The following EPC2 variants were observed in gnomAD, a reference collection of about 807,000 sequenced individuals.
EPC2 encodes enhancer of polycomb homolog 2.
In EPC2, 14 loss-of-function variants were observed where a neutral mutation model predicts 92.1. The ratio of observed to expected loss-of-function variants is 0.15; its 90% CI spans 0.10 to 0.24. The LOEUF is 0.24. Ranked by LOEUF, EPC2 falls within the 10% of genes least tolerant of loss-of-function variation. The pLI is 1.00. For missense variants in EPC2, 755 were observed against 971.5 expected (o/e 0.78, Z 2.96); for synonymous variants, 340 against 334.7 (o/e 1.02, Z -0.17).
At chr2:148,651,353 T>C (rs1413517359) in intron 1 of EPC2, among the ~76,000 whole-genome samples, 1 of 152,192 alleles carries the variant, frequency 6.6e-6, no homozygotes, top group East Asian at 1.9e-4. Context: ...TCCCCTGTTT[T>C]CGTTCGGACA....
chr2:148,698,439 C>G (rs540942976), intron 2 of EPC2, among the ~76,000 whole-genome samples: 173 of 151,966 alleles, frequency 1.1e-3, no homozygotes, highest in Non-Finnish European at 2.2e-3. Flanking sequence ...AGTTCAAGAC[C>G]AGCCTGGCCA....
In EPC2 at chr2:148,786,471, T is replaced by A; in HGVS notation, c.*94T>A. ...GCAACACTCTGTGGATCACAGAGTG[T>A]AACAATGGACCTAAATGGACTATAG... On this transcript the variant is annotated 3_prime_UTR_variant, in exon 14 of 14. Coordinates refer to ENST00000258484, the MANE Select transcript of EPC2 (RefSeq NM_015630.4). 1 of 975,726 alleles carries A rather than the reference T, an allele frequency of 1.0e-6. No homozygotes were observed. The highest frequency in any genetic ancestry group is 1.6e-6 in the Non-Finnish European group (1 of 628,216). The allele number at this position is 975,726 out of a possible 1,614,324, so 60.4% of individuals were successfully genotyped here. A position where few individuals can be genotyped will look rare whatever the true frequency, so the allele number is the denominator to read the frequency against.
At chr2:148,695,576 C>G (rs1681730198) in intron 2 of EPC2, among the ~76,000 whole-genome samples, 1 of 152,174 alleles carries the variant, frequency 6.6e-6, no homozygotes, top group Non-Finnish European at 1.5e-5. Flanking sequence ...GTCTCATTAT[C>G]CTTGGAAATG....
At chr2:148,719,598 CCCTT>C (rs1306155298) in intron 2 of EPC2, among the ~76,000 whole-genome samples, 2 of 152,202 alleles carry the variant, frequency 1.3e-5, no homozygotes, top group African/African-American at 4.8e-5. Flanking sequence ...GGCAGCCTGC[CCCTT>C]CCTCTGGAAG....
intron 11 of EPC2, among the ~76,000 whole-genome samples, chr2:148,782,108 A>G (rs1683761335): frequency 1.3e-5 from 2 of 152,096 alleles, no homozygotes; most frequent in South Asian, 2.1e-4. Context: ...GAAAGATAAA[A>G]CTTTCCTAAC....
At chr2:148,750,858 A>G (rs567882623) in intron 3 of EPC2, among the ~76,000 whole-genome samples, 2 of 152,248 alleles carry the variant, frequency 1.3e-5, no homozygotes, top group African/African-American at 4.8e-5. Flanking sequence ...CATAGATTTG[A>G]AAGAAGTAAA....
At chr2:148,669,268 G>C (rs1175433977) in intron 1 of EPC2, among the ~76,000 whole-genome samples, 1 of 152,042 alleles carries the variant, frequency 6.6e-6, no homozygotes, top group African/African-American at 2.4e-5. Context: ...CCACCTTTTG[G>C]ATTGAATATT....
chr2:148,644,972 C>A lies in EPC2; in HGVS notation c.-46C>A. ...CGGGAGTCCTCCCCCCCTCCCCGCC[C>A]GCCCCGCCGCCGCCGCCCGGGCTGT... On this transcript the variant is annotated 5_prime_UTR_variant, in exon 1 of 14. Coordinates refer to ENST00000258484, the MANE Select transcript of EPC2 (RefSeq NM_015630.4). 1 of 1,525,116 alleles carries A rather than the reference C, an allele frequency of 6.6e-7. No individual in the cohort carries two copies. The highest frequency in any genetic ancestry group is 8.8e-7 in the Non-Finnish European group (1 of 1,129,994). The allele number at this position is 1,525,116 out of a possible 1,614,324, so 94.5% of individuals were successfully genotyped here. A position where few individuals can be genotyped will look rare whatever the true frequency, so the allele number is the denominator to read the frequency against.
intron 4 of EPC2, among the ~76,000 whole-genome samples, chr2:148,760,106 G>A (rs941988972): frequency 5.9e-5 from 9 of 152,116 alleles, no homozygotes; most frequent in African/African-American, 2.2e-4. Flanking sequence ...AGCTGGGTGT[G>A]ATGGTGGATT....
intron 2 of EPC2, among the ~76,000 whole-genome samples, chr2:148,742,403 ATATT>A (rs1190487420): frequency 6.6e-6 from 1 of 152,168 alleles, no homozygotes; most frequent in Non-Finnish European, 1.5e-5. Flanking sequence ...TTATTATTGT[ATATT>A]TATCAATCTA....
At chr2:148,773,236 A>G (rs943584366) in intron 10 of EPC2, among the ~76,000 whole-genome samples, 2 of 151,984 alleles carry the variant, frequency 1.3e-5, no homozygotes, top group East Asian at 1.9e-4. Flanking sequence ...TGACACTACC[A>G]TACAACATAA....
At chr2:148,774,713 A>T (rs1270051756) in intron 10 of EPC2, among the ~76,000 whole-genome samples, 1 of 151,594 alleles carries the variant, frequency 6.6e-6, no homozygotes, top group Non-Finnish European at 1.5e-5. Context: ...TTAGAACTAA[A>T]ACTAAAGACT....
chr2:148,760,649 A>G (rs1419850653), intron 4 of EPC2, among the ~76,000 whole-genome samples: 4 of 152,246 alleles, frequency 2.6e-5, no homozygotes, highest in African/African-American at 9.6e-5. Context: ...GAAGAAAAAG[A>G]TGAATTTTTT....
At position 148,690,410 on chromosome 2, in the gene EPC2, TA is replaced by T. The variant is rs79845501; in HGVS notation, c.313+40del. ...AATTCATTGTTTTCTGTTTGTACTT[TA>T]AATTTATCAACCAGTGGAAATCTTT... On this transcript the variant is annotated intron_variant, in intron 2 of 13. Transcript: ENST00000258484. The T allele has an allele frequency of 4.9e-3, 7,530 of 1,529,374 alleles. 210 individuals are homozygous for T. The East Asian group carries it at 0.087, about 18-fold the overall frequency. The allele number at this position is 1,529,374 out of a possible 1,614,324, so 94.7% of individuals were successfully genotyped here. A position where few individuals can be genotyped will look rare whatever the true frequency, so the allele number is the denominator to read the frequency against.
At chr2:148,757,011 T>C (rs1273889939) in intron 4 of EPC2, among the ~76,000 whole-genome samples, 1 of 152,164 alleles carries the variant, frequency 6.6e-6, no homozygotes, top group East Asian at 1.9e-4. Context: ...GGCAAGTGGA[T>C]TTGAATACAG....
intron 7 of EPC2, among the ~76,000 whole-genome samples, chr2:148,768,667 T>G (rs937844175): frequency 6.6e-6 from 1 of 152,218 alleles, no homozygotes; most frequent in Non-Finnish European, 1.5e-5. Context: ...AACCTGGCCT[T>G]TATGGCCTTT....
chr2:148,761,723 A>G, intron 4 of EPC2, 59 bp from the exon 5 acceptor site: 6 of 1,233,928 alleles, frequency 4.9e-6, no homozygotes, highest in Non-Finnish European at 6.5e-6. Context: ...TTTATTGAAT[A>G]AAGCCGGAAA....
Position 148,743,740 on chromosome 2 carries a change from C to T in EPC2, c.432C>T (p.Asp144=). The T allele has an allele frequency of 1.2e-6, 2 of 1,600,606 alleles. No homozygotes were observed. The highest frequency in any genetic ancestry group is 1.7e-6 in the Non-Finnish European group (2 of 1,174,740). The change falls in exon 3 of 14, where the codon GAC becomes GAT. Residue 144 remains aspartate (D), a synonymous_variant. Coordinates refer to ENST00000258484, the MANE Select transcript of EPC2 (RefSeq NM_015630.4). ...CTTTGCAATTTGAAATTATGATTGA[C>T]AGACTTGAAAAAGCCAGTTCTAATC... is the stretch of plus-strand genomic sequence containing the variant. The part of the protein sequence containing the change: ...IKPLQFEIMI[D]RLEKASSNQL...
chr2:148,747,783 C>T (rs1683012966), intron 3 of EPC2, among the ~76,000 whole-genome samples: 1 of 151,954 alleles, frequency 6.6e-6, no homozygotes, highest in South Asian at 2.1e-4. Context: ...TTGATATTTC[C>T]TTTGTTATCT....
Sources: allele counts gnomAD v4.1 joint callset (sites outside exome capture counted in the v4.1 genomes callset), GRCh38; gene constraint gnomAD v4.1.1; transcripts MANE v1.5; gene names NCBI Gene and HGNC (gene_info 2026-07-23, HGNC 2026-07-21).